The following CD36 variants were observed in gnomAD, a reference collection of about 807,000 sequenced individuals.
CD36 encodes the protein CD36 molecule (CD36 blood group).
Under a neutral mutation model 55.2 loss-of-function variants are expected in CD36, and 119 were observed. The ratio of observed to expected loss-of-function variants is 2.15; its 90% CI spans 1.86 to 2.51. CD36 has a LOEUF of 2.51. CD36 is among the 30% of genes most tolerant of loss of function. The pLI, the probability that CD36 is intolerant of heterozygous loss-of-function variation, is 0.00. For missense variants in CD36, 819 were observed against 555.5 expected, an observed-to-expected ratio of 1.47 and a Z score of -4.77; for synonymous variants, 186 against 193.6, an observed-to-expected ratio of 0.96 and a Z score of 0.33.
At chr7:80,663,564 C>T (rs1400904543) in intron 6 of CD36, among the ~76,000 whole-genome samples, 4 of 151,832 alleles carry the variant, frequency 2.6e-5, no homozygotes, top group Admixed American at 2.6e-4. Flanking sequence ...CTTTTCTAGA[C>T]CTCTTACAAT....
intron 1 of CD36, among the ~76,000 whole-genome samples, chr7:80,630,954 T>G (rs1240052011): frequency 2.0e-5 from 3 of 152,032 alleles, no homozygotes; most frequent in Non-Finnish European, 4.4e-5. Context: ...ATTTATTATC[T>G]TCACCCATGA....
At chr7:80,640,295 T>C (rs980216160) in intron 1 of CD36, among the ~76,000 whole-genome samples, 22 of 152,060 alleles carry the variant, frequency 1.4e-4, no homozygotes, top group Non-Finnish European at 2.9e-5. Context: ...TACTCATTTC[T>C]ACTTTTGTAA....
chr7:80,664,329 G>A lies in CD36; in HGVS notation c.610-77G>A. 3.8e-6 allele frequency: 3 copies of A among 793,160 alleles called. 1 individual carries two copies. In the South Asian group the frequency reaches 4.1e-5, roughly 11 times the overall value. 49.1% of individuals were successfully genotyped at this position (793,160 alleles called of 1,614,324 possible). ...TTTGAGTAACCAGTGATTGAGAAAT[G>A]TGAAAGTGAGTTATGTATTGTACAA... On this transcript the variant is annotated intron_variant, in intron 6 of 14. Coordinates refer to ENST00000447544, the MANE Select transcript of CD36 (RefSeq NM_001001548.3).
chr7:80,642,178 T>A (rs1283393072), intron 1 of CD36, among the ~76,000 whole-genome samples: 1 of 152,142 alleles, frequency 6.6e-6, no homozygotes, highest in Admixed American at 6.6e-5. Flanking sequence ...TATCTTGGCT[T>A]TCTAAATTTA....
chr7:80,672,827 C>A lies in CD36; in HGVS notation c.1183C>A (p.Pro395Thr). Residue 395 changes from proline (P) to threonine (T), a missense_variant, in exon 12 of 15, where the codon CCA becomes ACA. Transcript: ENST00000447544. Reference protein sequence around the residue: ...KRLQVNLLVKPSEKIQVLKNL... With the variant: ...KRLQVNLLVKTSEKIQVLKNL... ...GCTGCAGGTCAACCTATTGGTCAAG[C>A]CATCAGAAAAAATTCAGTGAGTCTC... 1 of 1,609,772 alleles carries A rather than the reference C, an allele frequency of 6.2e-7. No homozygotes were observed. Among genetic ancestry groups the A allele is most frequent in the Non-Finnish European group, 8.5e-7 (1 of 1,177,200 alleles).
intron 3 of CD36, among the ~76,000 whole-genome samples, chr7:80,651,263 G>A (rs929104793): frequency 2.0e-5 from 3 of 151,788 alleles, no homozygotes; most frequent in Non-Finnish European, 4.4e-5. Context: ...GAGAGCGGAG[G>A]ATCAAAAAAC....
At chr7:80,612,280 A>C (rs1272709470) in intron 1 of CD36, among the ~76,000 whole-genome samples, 1 of 152,226 alleles carries the variant, frequency 6.6e-6, no homozygotes, top group African/African-American at 2.4e-5. Flanking sequence ...TTATGCTAGC[A>C]ACCTGAAAAA....
At chr7:80,645,795 A>G (rs1332310898) in intron 1 of CD36, among the ~76,000 whole-genome samples, 4 of 150,594 alleles carry the variant, frequency 2.7e-5, no homozygotes, top group Non-Finnish European at 5.9e-5. Context: ...TCAGTAAGAG[A>G]GCAATGCCAT....
At chr7:80,619,627 A>G (rs1793346564) in intron 1 of CD36, among the ~76,000 whole-genome samples, 1 of 146,934 alleles carries the variant, frequency 6.8e-6, no homozygotes, top group Admixed American at 7.0e-5. Context: ...AGCCTGGGTG[A>G]CAGAGTAAGA....
chr7:80,629,674 C>T (rs1319422411), intron 1 of CD36, among the ~76,000 whole-genome samples: 1 of 151,962 alleles, frequency 6.6e-6, no homozygotes, highest in Non-Finnish European at 1.5e-5. Context: ...CTGGAAAATA[C>T]TTAAGCATAT....
At chr7:80,644,309 A>G (rs1239102516) in intron 1 of CD36, among the ~76,000 whole-genome samples, 1 of 152,212 alleles carries the variant, frequency 6.6e-6, no homozygotes, top group Non-Finnish European at 1.5e-5. Flanking sequence ...ATTCCACAGG[A>G]AAAACAAATC....
chr7:80,665,051 A>G (rs1450821372), intron 7 of CD36, among the ~76,000 whole-genome samples: 1 of 152,164 alleles, frequency 6.6e-6, no homozygotes. Flanking sequence ...TTCCATATTG[A>G]TAACTCAGCT....
chr7:80,627,668 G>T (rs558256057), intron 1 of CD36, among the ~76,000 whole-genome samples: 11 of 152,058 alleles, frequency 7.2e-5, no homozygotes, highest in African/African-American at 2.7e-4. Flanking sequence ...TTTTCAACAG[G>T]CAAAAGCAAA....
chr7:80,659,959 T>C (rs890433773), intron 4 of CD36, among the ~76,000 whole-genome samples: 14 of 152,276 alleles, frequency 9.2e-5, no homozygotes, highest in African/African-American at 3.4e-4. Context: ...ATACATTTAC[T>C]GAGAACTCAT....
intron 1 of CD36, among the ~76,000 whole-genome samples, chr7:80,642,672 G>A (rs1794901112): frequency 6.6e-6 from 1 of 152,122 alleles, no homozygotes. Flanking sequence ...CCCAACTAGT[G>A]TCACGTATTT....
At chr7:80,642,330 A>G (rs1290134498) in intron 1 of CD36, among the ~76,000 whole-genome samples, 1 of 152,146 alleles carries the variant, frequency 6.6e-6, no homozygotes, top group Non-Finnish European at 1.5e-5. Flanking sequence ...TTTCATATAT[A>G]AGGAGTTGTG....
upstream of CD36, among the ~76,000 whole-genome samples, chr7:80,635,150 T>C (rs1453559553): frequency 6.6e-6 from 1 of 152,118 alleles, no homozygotes. Flanking sequence ...GGAATACAAT[T>C]GGGGATTGAG....
intron 13 of CD36, chr7:80,673,660 G>GACAAGGTATTTTTACTATAAATCCATGC: frequency 1.8e-6 from 1 of 558,764 alleles, no homozygotes; most frequent in South Asian, 2.2e-5. Flanking sequence ...TCTATTGCCT[G>GACAAGGTATTTTTACTATAAATCCATGC]ACAAGGTATT....
intron 1 of CD36, among the ~76,000 whole-genome samples, chr7:80,631,689 G>T (rs1196871531): frequency 6.6e-6 from 1 of 151,532 alleles, no homozygotes; most frequent in African/African-American, 2.4e-5. Flanking sequence ...ATAGTAGTCT[G>T]CCACTTTTCA....
Sources: gnomAD v4.1 joint callset for allele counts (sites outside exome capture counted in the v4.1 genomes callset) on GRCh38, gnomAD v4.1.1 for gene constraint, MANE v1.5 for transcripts, NCBI Gene and HGNC (gene_info 2026-07-23, HGNC 2026-07-21) for gene names.